The following LARGE1 variants were observed in gnomAD, a reference collection of about 807,000 sequenced individuals.
The protein encoded by LARGE1 is LARGE xylosyl- and glucuronyltransferase 1, also known as xylosyl- and glucuronyltransferase LARGE1.
In LARGE1, 43 loss-of-function variants were observed where a neutral mutation model predicts 87.6. That is an observed-to-expected ratio of 0.49 (90% CI 0.38 to 0.63). The LOEUF is 0.63. Among genes scored for constraint, LARGE1 ranks in the 30% least tolerant of loss-of-function variants. The pLI is 0.00. For synonymous variants in LARGE1, 434 were observed against 394.6 expected, an observed-to-expected ratio of 1.10 and a Z score of -1.18; for missense variants, 802 against 1,000.2, an observed-to-expected ratio of 0.80 and a Z score of 2.67.
chr22:33,490,055 C>G (rs2069762247), intron 6 of LARGE1, among the ~76,000 whole-genome samples: 1 of 152,244 alleles, frequency 6.6e-6, no homozygotes, highest in Non-Finnish European at 1.5e-5. Flanking sequence ...CTCCTGACTC[C>G]AGAAGCACTT....
intron 3 of LARGE1, among the ~76,000 whole-genome samples, chr22:33,645,859 A>C (rs1481766957): frequency 6.6e-6 from 1 of 152,260 alleles, no homozygotes; most frequent in African/African-American, 2.4e-5. Flanking sequence ...ATCACTGGTC[A>C]TCAAAGAAAT....
chr22:33,766,367 TA>T lies in LARGE1; in HGVS notation c.-82-4810del, dbSNP rs546682248. Among the ~76,000 whole-genome samples the T allele has an allele frequency of 4.6e-3, 703 of 152,296 alleles. 4 individuals are homozygous for T. Among genetic ancestry groups the T allele is most frequent in the African/African-American group, 0.016 (668 of 41,542 alleles). On this transcript the variant is annotated intron_variant, in intron 1 of 14. Coordinates refer to ENST00000397394, the MANE Select transcript of LARGE1 (RefSeq NM_133642.5). ...TCCATCTGTCGTCTCCCATCTGTCT[TA>T]ACCAATGAAATTTACATTTATGAAG... is the stretch of plus-strand genomic sequence containing the variant.
chr22:33,401,586 T>C (rs749754180), intron 7 of LARGE1, among the ~76,000 whole-genome samples: 59 of 152,216 alleles, frequency 3.9e-4, no homozygotes, highest in South Asian at 8.3e-4. Context: ...CCTGTGGGGC[T>C]TCACCCTCCA....
chr22:33,302,358 G>T (rs987949564), intron 12 of LARGE1, among the ~76,000 whole-genome samples: 4 of 152,148 alleles, frequency 2.6e-5, no homozygotes, highest in African/African-American at 4.8e-5. Context: ...CCGATTCAGG[G>T]TCATGCTGCC....
At chr22:33,384,110 G>T in intron 8 of LARGE1, 82 bp downstream of exon 8, 2 of 985,788 alleles carry the variant, frequency 2.0e-6, no homozygotes, top group Non-Finnish European at 1.6e-6. Flanking sequence ...AAACCATTCA[G>T]ATCGATTTAA....
At chr22:33,872,074 C>T (rs1002313127) in intron 1 of LARGE1, among the ~76,000 whole-genome samples, 3 of 150,954 alleles carry the variant, frequency 2.0e-5, no homozygotes, top group Middle Eastern at 3.2e-3. Flanking sequence ...GGGGTTCCTT[C>T]GAGTTGAAGA....
At chr22:33,885,512 G>A (rs531423721) in intron 1 of LARGE1, among the ~76,000 whole-genome samples, 10 of 152,292 alleles carry the variant, frequency 6.6e-5, no homozygotes, top group African/African-American at 1.9e-4. Context: ...GCAGCCTTAC[G>A]TAACTACTGA....
intron 1 of LARGE1, among the ~76,000 whole-genome samples, chr22:33,810,354 G>A (rs5999110): frequency 0.25 from 37,645 of 151,886 alleles, 4,885 homozygotes; most frequent in East Asian, 0.41. Context: ...CTGGACCTCC[G>A]CTGAAGGCAA....
chr22:33,359,037 T>C (rs1006197668), intron 9 of LARGE1, among the ~76,000 whole-genome samples: 1 of 151,068 alleles, frequency 6.6e-6, no homozygotes, highest in Non-Finnish European at 1.5e-5. Flanking sequence ...TTCAAGGATA[T>C]AGTATTATTA....
At chr22:33,327,235 G>A (rs1289272326) in intron 10 of LARGE1, among the ~76,000 whole-genome samples, 1 of 152,182 alleles carries the variant, frequency 6.6e-6, no homozygotes, top group East Asian at 1.9e-4. Context: ...AGGTGATGCT[G>A]TTGTTTTTTC....
rs148966826 is a variant in LARGE1 at position 33,858,054 on chromosome 22, C to T, written c.-83+61941G>A. 9.7e-3 allele frequency among the ~76,000 whole-genome samples: 1,477 copies of T among 152,182 alleles called. 21 individuals carry two copies. The highest frequency in any genetic ancestry group is 0.032 in the African/African-American group (1,345 of 41,530). On this transcript the variant is annotated intron_variant, in intron 1 of 14. Transcript: ENST00000397394. ...AGATTCCAAGGAATGGAATCTTGGG[C>T]CATGTGGTGAGTGTTATAGTTCTGT...
chr22:33,086,538 A>G, the LARGE1 span, among the ~76,000 whole-genome samples: 1 of 149,626 alleles, frequency 6.7e-6, no homozygotes, highest in Non-Finnish European at 1.5e-5. Flanking sequence ...GGCATAATTG[A>G]AGTTCTTCTA....
At chr22:33,288,516 A>G (rs1931955140) in intron 12 of LARGE1, among the ~76,000 whole-genome samples, 1 of 152,178 alleles carries the variant, frequency 6.6e-6, no homozygotes, top group South Asian at 2.1e-4. Flanking sequence ...TATAGGATAT[A>G]CTATATACAT....
intron 1 of LARGE1, among the ~76,000 whole-genome samples, chr22:33,785,179 GTGTATATACATA>G (rs1336841513): frequency 1.4e-5 from 2 of 147,598 alleles, no homozygotes; most frequent in African/African-American, 5.1e-5. Flanking sequence ...ACATACATAT[GTGTATATACATA>G]TATGTGTATA....
chr22:33,630,257 G>A (rs1281599233), intron 3 of LARGE1, among the ~76,000 whole-genome samples: 1 of 152,054 alleles, frequency 6.6e-6, no homozygotes, highest in Non-Finnish European at 1.5e-5. Context: ...AAACCAAAGG[G>A]TGGGATCTGA....
chr22:33,595,576 A>G (rs929045388), intron 5 of LARGE1, among the ~76,000 whole-genome samples: 1 of 152,230 alleles, frequency 6.6e-6, no homozygotes, highest in East Asian at 1.9e-4. Flanking sequence ...ACTGTCACCT[A>G]GGCTCCATAC....
the LARGE1 span, among the ~76,000 whole-genome samples, chr22:33,156,350 C>G: frequency 1.3e-5 from 2 of 152,136 alleles, no homozygotes; most frequent in African/African-American, 4.8e-5. Flanking sequence ...GGGGCTATAC[C>G]CTGCAAAGCC....
At chr22:33,089,388 CTCTTCTTCTTCT>C in the LARGE1 span, among the ~76,000 whole-genome samples, 1 of 66,474 alleles carries the variant, frequency 1.5e-5, no homozygotes, top group Non-Finnish European at 3.0e-5. Context: ...CTTCTTCTTC[CTCTTCTTCTTCT>C]TTCTTCTTCT....
In LARGE1 at chr22:33,229,416, A is replaced by G. The variant is rs894531962; in HGVS notation, c.1731-62584T>C. 2.6e-5 allele frequency among the ~76,000 whole-genome samples: 4 copies of G among 152,124 alleles called. No homozygotes were observed. The East Asian group carries it at 7.7e-4, about 29-fold the overall frequency. On this transcript the variant is annotated intron_variant, in intron 11 of 11. Transcript: ENST00000608642. ...ATAATTAGAGACAAAAAGACAAAAC[A>G]GAAATTATAAAGGGAGTATGAAAAA...
Sources: gnomAD v4.1 joint callset for allele counts (sites outside exome capture counted in the v4.1 genomes callset) on GRCh38, gnomAD v4.1.1 for gene constraint, MANE v1.5 for transcripts, NCBI Gene and HGNC (gene_info 2026-07-23, HGNC 2026-07-21) for gene names.